Variants in AAK1 observed in about 807,000 individuals in gnomAD.
AAK1 encodes AP2-associated protein kinase 1.
AAK1 carries 37 observed loss-of-function variants against 116.0 expected under a neutral mutation model. The observed-to-expected ratio is 0.32, with a 90% CI of 0.25 to 0.42. AAK1 has a LOEUF of 0.42. Ranked by LOEUF, AAK1 falls within the 10% of genes least tolerant of loss-of-function variation. The pLI, the probability that AAK1 is intolerant of heterozygous loss-of-function variation, is 1.00. For synonymous variants in AAK1, 458 were observed against 439.9 expected, an observed-to-expected ratio of 1.04 and a Z score of -0.51; for missense variants, 919 against 1,170.6, an observed-to-expected ratio of 0.79 and a Z score of 3.14.
intron 2 of AAK1, among the ~76,000 whole-genome samples, chr2:69,618,088 A>G (rs1485343933): frequency 1.3e-5 from 2 of 152,150 alleles, no homozygotes; most frequent in African/African-American, 2.4e-5. Flanking sequence ...GGTAAGCAGG[A>G]GCTCCCAGCA....
intron 10 of AAK1, among the ~76,000 whole-genome samples, chr2:69,522,561 T>C (rs1234943993): frequency 6.6e-6 from 1 of 152,130 alleles, no homozygotes; most frequent in Non-Finnish European, 1.5e-5. Context: ...CCCAGCACTC[T>C]GGGAGGCTGA....
intron 2 of AAK1, among the ~76,000 whole-genome samples, chr2:69,637,666 T>C (rs912556379): frequency 1.3e-5 from 2 of 152,226 alleles, no homozygotes; most frequent in Non-Finnish European, 2.9e-5. Context: ...TCAGAAGGCA[T>C]GCATCCTTGA....
chr2:69,555,861 T>C (rs890494246), intron 3 of AAK1, among the ~76,000 whole-genome samples: 8 of 151,324 alleles, frequency 5.3e-5, no homozygotes, highest in African/African-American at 1.9e-4. Context: ...TATTATATTA[T>C]TAGGTATAAT....
chr2:69,587,892 C>T (rs1672860405), intron 2 of AAK1, among the ~76,000 whole-genome samples: 1 of 152,012 alleles, frequency 6.6e-6, no homozygotes, highest in African/African-American at 2.4e-5. Flanking sequence ...GAGTTACAAG[C>T]ATAAGCCACC....
chr2:69,617,221 GCCCCTAT>G (rs538026707), intron 2 of AAK1, among the ~76,000 whole-genome samples: 149 of 152,300 alleles, frequency 9.8e-4, no homozygotes, highest in Non-Finnish European at 1.7e-3. Flanking sequence ...AAGGTTGAAA[GCCCCTAT>G]CCCTAGAAGA....
Position 69,630,429 on chromosome 2 carries a change from T to C in AAK1, c.163+12449A>G, listed in dbSNP as rs1429639528. On this transcript the variant is annotated intron_variant, in intron 2 of 21. Coordinates refer to ENST00000409085, the MANE Select transcript of AAK1 (RefSeq NM_014911.5). ...AAAACTCTAACTCCACCAGGTTATA[T>C]ACATAGTGATACAAATATGGCCTGA... Among the ~76,000 whole-genome samples, 3 of 151,522 alleles carry C rather than the reference T, an allele frequency of 2.0e-5. No homozygotes were observed. In the South Asian group the frequency reaches 6.3e-4, roughly 32 times the overall value.
At chr2:69,511,581 T>A (rs1676397850) in intron 13 of AAK1, among the ~76,000 whole-genome samples, 1 of 152,172 alleles carries the variant, frequency 6.6e-6, no homozygotes, top group African/African-American at 2.4e-5. Flanking sequence ...ATACACTGAA[T>A]GGGCTTATTT....
chr2:69,622,166 C>G (rs1423773553), intron 2 of AAK1, among the ~76,000 whole-genome samples: 2 of 152,236 alleles, frequency 1.3e-5, no homozygotes, highest in African/African-American at 4.8e-5. Context: ...TTGGTGGGCC[C>G]CGCACTCAGA....
intron 13 of AAK1, 43 bp from the exon 14 acceptor site, chr2:69,509,503 A>G: frequency 6.6e-7 from 1 of 1,511,554 alleles, no homozygotes; most frequent in Non-Finnish European, 8.9e-7. Context: ...AAATTAAAAA[A>G]AAAAGTTAAA....
At chr2:69,637,507 C>A (rs1675498905) in intron 2 of AAK1, among the ~76,000 whole-genome samples, 1 of 152,196 alleles carries the variant, frequency 6.6e-6, no homozygotes, top group African/African-American at 2.4e-5. Flanking sequence ...TTCTTTCCAC[C>A]ACACCAAAAT....
chr2:69,604,509 T>C (rs1372239928), intron 2 of AAK1, among the ~76,000 whole-genome samples: 2 of 152,140 alleles, frequency 1.3e-5, no homozygotes, highest in Non-Finnish European at 2.9e-5. Flanking sequence ...TCTTACCTTC[T>C]TGCCCCACCA....
chr2:69,617,959 G>A (rs1459823609), intron 2 of AAK1, among the ~76,000 whole-genome samples: 1 of 152,126 alleles, frequency 6.6e-6, no homozygotes, highest in African/African-American at 2.4e-5. Flanking sequence ...TCAGGGAAGT[G>A]GTCCTTCATC....
Position 69,470,174 on chromosome 2 carries a change from A to C in AAK1, c.*5695T>G. The stretch of plus-strand genomic sequence containing the variant: ...CCAGAAGTTTACTTTTCCTCATACC[A>C]AAAACTGAAAGAACGGTTACAGGGA... On this transcript the variant is annotated 3_prime_UTR_variant, in exon 22 of 22. Coordinates refer to ENST00000409085, the MANE Select transcript of AAK1 (RefSeq NM_014911.5). 1.0e-6 allele frequency: 1 copy of C among 985,440 alleles called. No individual in the cohort carries two copies. Among genetic ancestry groups the C allele is most frequent in the Non-Finnish European group, 1.2e-6 (1 of 829,922 alleles). The allele number at this position is 985,440 out of a possible 1,614,324, so 61.0% of individuals were successfully genotyped here.
chr2:69,588,770 T>C (rs990380116), intron 2 of AAK1, among the ~76,000 whole-genome samples: 20 of 152,176 alleles, frequency 1.3e-4, no homozygotes, highest in African/African-American at 4.8e-4. Context: ...TTCCTCTGCA[T>C]TATTTATTTT....
intron 2 of AAK1, among the ~76,000 whole-genome samples, chr2:69,584,857 C>T (rs1489841361): frequency 6.6e-6 from 1 of 152,160 alleles, no homozygotes; most frequent in African/African-American, 2.4e-5. Context: ...TCCAGTGCAG[C>T]ATCCCCACTC....
chr2:69,505,284 AC>A (rs1676140009), intron 16 of AAK1, among the ~76,000 whole-genome samples: 1 of 152,196 alleles, frequency 6.6e-6, no homozygotes, highest in Admixed American at 6.5e-5. Context: ...TTTGTTTAAG[AC>A]GTGCCTGTGG....
intron 2 of AAK1, among the ~76,000 whole-genome samples, chr2:69,635,983 G>A (rs1573031498): frequency 6.6e-6 from 1 of 152,124 alleles, no homozygotes; most frequent in African/African-American, 2.4e-5. Context: ...ATAAGATTTT[G>A]TCCTTGTTAA....
At chr2:69,529,466 C>T (rs183578638) in intron 8 of AAK1, among the ~76,000 whole-genome samples, 63 of 152,002 alleles carry the variant, frequency 4.1e-4, no homozygotes, top group Non-Finnish European at 8.2e-4. Flanking sequence ...CATATGCTTG[C>T]TATGATGATA....
intron 2 of AAK1, among the ~76,000 whole-genome samples, chr2:69,639,902 C>T (rs1675627661): frequency 6.6e-6 from 1 of 151,980 alleles, no homozygotes; most frequent in Admixed American, 6.5e-5. Flanking sequence ...CTTTAAGGAG[C>T]TGGTGAGGAC....
Sources: allele counts gnomAD v4.1 joint callset (sites outside exome capture counted in the v4.1 genomes callset), GRCh38; gene constraint gnomAD v4.1.1; transcripts MANE v1.5; gene names NCBI Gene and HGNC (gene_info 2026-07-23, HGNC 2026-07-21).